Variants in AXIN1 observed in about 807,000 individuals in gnomAD.
AXIN1 encodes axin 1, also known as axin-1.
A neutral mutation model predicts 76.4 loss-of-function variants in AXIN1; 30 were observed. The ratio of observed to expected loss-of-function variants is 0.39; its 90% CI spans 0.29 to 0.53. AXIN1 has a LOEUF of 0.53. Among genes scored for constraint, AXIN1 ranks in the 20% least tolerant of loss-of-function variants. The pLI, the probability that AXIN1 is intolerant of heterozygous loss-of-function variation, is 0.66. For synonymous variants in AXIN1, 545 were observed against 501.4 expected, an observed-to-expected ratio of 1.09 and a Z score of -1.16; for missense variants, 1,140 against 1,198.8, an observed-to-expected ratio of 0.95 and a Z score of 0.72.
intron 2 of AXIN1, among the ~76,000 whole-genome samples, chr16:331,882 G>A (rs117966223): frequency 6.5e-4 from 99 of 152,308 alleles, no homozygotes; most frequent in Non-Finnish European, 1.2e-3. Context: ...TCGGCCACTA[G>A]TCTGACCCCC....
At position 293,766 on chromosome 16, in the gene AXIN1, A is replaced by AGGTGGCCT; in HGVS notation, c.1956-56_1956-49dup. On this transcript the variant is annotated intron_variant, in intron 7 of 10. Transcript: ENST00000262320. The surrounding 1 kb of genome is among the most constrained non-coding windows in gnomAD (Gnocchi z 4.6). ...TGTGACTGTGGCCGACACCCTGGCC[A>AGGTGGCCT]GGTGGCCTGGTGGGGCTACACTCAT... 6.3e-7 allele frequency: 1 copy of AGGTGGCCT among 1,587,090 alleles called. No homozygotes were observed. The highest frequency in any genetic ancestry group is 8.6e-7 in the Non-Finnish European group (1 of 1,160,080).
At chr16:321,856 G>A (rs767637948) in intron 2 of AXIN1, among the ~76,000 whole-genome samples, 1 of 152,246 alleles carries the variant, frequency 6.6e-6, no homozygotes, top group Non-Finnish European at 1.5e-5. Context: ...ACACAGCCTT[G>A]CCCTTCGTTG....
At chr16:314,725 A>G in intron 2 of AXIN1, 42 bp from the exon 3 acceptor site, 2 of 1,610,336 alleles carry the variant, frequency 1.2e-6, no homozygotes, top group Non-Finnish European at 1.7e-6. Flanking sequence ...CAGCCTGCCA[A>G]CAGCCTCTCA....
At chr16:350,836 AAAACTG>A (rs1235115525) in intron 1 of AXIN1, among the ~76,000 whole-genome samples, 2 of 152,230 alleles carry the variant, frequency 1.3e-5, no homozygotes, top group Non-Finnish European at 2.9e-5. Flanking sequence ...TGGAGATCTT[AAAACTG>A]AAACCAAAGC....
In AXIN1 at chr16:287,770, C is replaced by A. The variant is rs575975905; in HGVS notation, c.*352G>T. 2 of 438,302 alleles carry A rather than the reference C, an allele frequency of 4.6e-6. No homozygotes were observed. The highest frequency in any genetic ancestry group is 8.1e-5 in the East Asian group (2 of 24,756). The allele number at this position is 438,302 out of a possible 1,614,324, so 27.2% of individuals were successfully genotyped here. The stretch of plus-strand genomic sequence containing the variant: ...CCCCACCCAGACCTGGGTACGTGGG[C>A]AAATCCCAGAGGGAAAGTAGATCCC... On this transcript the variant is annotated 3_prime_UTR_variant, in exon 11 of 11. Transcript: ENST00000262320.
intron 2 of AXIN1, among the ~76,000 whole-genome samples, chr16:318,927 C>A (rs539134499): frequency 4.6e-4 from 70 of 151,960 alleles, no homozygotes; most frequent in African/African-American, 1.5e-3. Flanking sequence ...TGGCTCTGAC[C>A]CCTGGCTGTG....
Position 301,028 on chromosome 16 carries a change from T to G in AXIN1, c.1255-2777A>C, listed in dbSNP as rs570051197. On this transcript the variant is annotated intron_variant, in intron 5 of 10. Transcript: ENST00000262320. The stretch of plus-strand genomic sequence containing the variant: ...GTTCACGCCTGTAATCCCAGCACTT[T>G]GGGAGGCCGAGGCGGGTGGATCACA... Among the ~76,000 whole-genome samples the G allele has an allele frequency of 1.2e-3, 176 of 152,178 alleles. 1 individual carries two copies. The highest frequency in any genetic ancestry group is 1.6e-3 in the Non-Finnish European group (110 of 67,988).
At chr16:298,955 G>C in intron 5 of AXIN1, 2 of 450,804 alleles carry the variant, frequency 4.4e-6, no homozygotes, top group Non-Finnish European at 5.8e-6. Flanking sequence ...TTTTAGTAGA[G>C]ACAGGATTTC....
intron 6 of AXIN1, among the ~76,000 whole-genome samples, 179 bp from the exon 7 acceptor site, chr16:297,405 G>T (rs1036671589): frequency 1.1e-4 from 17 of 151,712 alleles, no homozygotes; most frequent in African/African-American, 3.4e-4. Context: ...CCCACCCGCT[G>T]TCCCCTGCCC....
chr16:318,676 C>A (rs577490657), intron 2 of AXIN1, among the ~76,000 whole-genome samples: 1 of 152,184 alleles, frequency 6.6e-6, no homozygotes, highest in Admixed American at 6.5e-5. Flanking sequence ...CCTGTGCGTG[C>A]GCCTATGGAT....
chr16:321,453 G>A (rs1166064321), intron 2 of AXIN1, among the ~76,000 whole-genome samples: 1 of 152,240 alleles, frequency 6.6e-6, no homozygotes, highest in Non-Finnish European at 1.5e-5. Context: ...AAGCAGCACA[G>A]GTCAGTACAC....
chr16:322,434 G>T (rs983515033), intron 2 of AXIN1, among the ~76,000 whole-genome samples: 1 of 152,172 alleles, frequency 6.6e-6, no homozygotes, highest in Non-Finnish European at 1.5e-5. Flanking sequence ...GTGCTCCTAC[G>T]GCTGTGTTTC....
In AXIN1 at chr16:303,941, T is replaced by C. The variant is rs556693075; in HGVS notation, c.1254+363A>G. On this transcript the variant is annotated intron_variant, in intron 5 of 10. Coordinates refer to ENST00000262320, the MANE Select transcript of AXIN1 (RefSeq NM_003502.4). Reference sequence around the variant, plus strand: ...CCTTCCTGCTCTGCACATGCTCATCTCACTTGCCAGCCACACGGGGTGAAG... The same window carrying C: ...CCTTCCTGCTCTGCACATGCTCATCCCACTTGCCAGCCACACGGGGTGAAG... Among the ~76,000 whole-genome samples the C allele has an allele frequency of 2.0e-5, 3 of 152,300 alleles. No homozygotes were observed. The East Asian group carries it at 5.8e-4, about 29-fold the overall frequency.
intron 3 of AXIN1, among the ~76,000 whole-genome samples, chr16:312,952 T>C (rs1373323155): frequency 6.6e-6 from 1 of 152,166 alleles, no homozygotes; most frequent in Non-Finnish European, 1.5e-5. Context: ...CTCGTGAGGC[T>C]GAAGTGGGTG....
rs753998549 is a variant in AXIN1 at position 288,151 on chromosome 16, T to C, written c.2560A>G (p.Ile854Val). Residue 854 changes from isoleucine (I) to valine (V), a missense_variant, in exon 11 of 11, where the codon ATC (isoleucine) becomes GTC (valine). Transcript: ENST00000262320. ...TCCACCTTCTCCACTTTGCCGATGA[T>C]CTTCTCCTCAAAGACGGGCAGGACG... ...EAVLPVFEEK[I>V]IGKVEKVD The C allele has an allele frequency of 1.8e-5, 29 of 1,613,422 alleles. No homozygotes were observed. Among genetic ancestry groups the C allele is most frequent in the Non-Finnish European group, 1.5e-5 (18 of 1,179,992 alleles).
At chr16:332,075 C>CGCCT (rs1287480152) in intron 2 of AXIN1, among the ~76,000 whole-genome samples, 1 of 152,108 alleles carries the variant, frequency 6.6e-6, no homozygotes, top group African/African-American at 2.4e-5. Context: ...GATGGCCTGA[C>CGCCT]GCCTGACACA....
chr16:346,529 C>T lies in AXIN1; in HGVS notation c.497G>A (p.Ser166Asn), dbSNP rs754419770. 12 of 1,614,178 alleles carry T rather than the reference C, an allele frequency of 7.4e-6. No individual in the cohort carries two copies. The highest frequency in any genetic ancestry group is 1.7e-5 in the Admixed American group (1 of 60,028). Residue 166 changes from serine to asparagine, a missense_variant, in exon 2 of 11, where the codon AGC (serine) becomes AAC (asparagine). By Grantham distance (46) the Ser-to-Asn change is conservative. This residue lies in a region of AXIN1 where 708 missense variants were observed against 776.9 expected (regional missense o/e 0.91). Coordinates refer to ENST00000262320, the MANE Select transcript of AXIN1 (RefSeq NM_003502.4). ...CTTCATGATGCAGCCCTTTATGAAGCTCTTGGTGGCTGGCTTGGTCTGCCG... is the reference window on the plus strand; with the variant it reads ...CTTCATGATGCAGCCCTTTATGAAGTTCTTGGTGGCTGGCTTGGTCTGCCG... ...VSRQTKPATK[S>N]FIKGCIMKQL...
chr16:320,743 A>ATTTTTTTTTTTTTTTTTTTTTTTT (rs71299927), intron 2 of AXIN1, among the ~76,000 whole-genome samples: 1 of 107,664 alleles, frequency 9.3e-6, no homozygotes, highest in Non-Finnish European at 1.7e-5. Flanking sequence ...ATATATATAT[A>ATTTTTTTTTTTTTTTTTTTTTTTT]TTTTTTTTTT....
chr16:288,161 A>G lies in AXIN1; in HGVS notation c.2550T>C (p.Phe850=), dbSNP rs139203463. 6.1e-5 allele frequency: 99 copies of G among 1,613,588 alleles called. No individual in the cohort carries two copies. The African/African-American group carries it at 1.1e-3, about 19-fold the overall frequency. The change falls in exon 11 of 11, where the codon TTT becomes TTC. Residue 850 remains phenylalanine (F), a synonymous_variant. Transcript: ENST00000262320. ...CCACTTTGCCGATGATCTTCTCCTC[A>G]AAGACGGGCAGGACGGCCTCGTCCT... The part of the protein sequence containing the change: ...VREDEAVLPV[F]EEKIIGKVEK...
Sources: allele counts gnomAD v4.1 joint callset (sites outside exome capture counted in the v4.1 genomes callset), GRCh38; gene constraint gnomAD v4.1.1; regional missense constraint gnomAD v4.1.1; non-coding constraint Gnocchi (gnomAD v3.1); transcripts MANE v1.5; gene names NCBI Gene and HGNC (gene_info 2026-07-23, HGNC 2026-07-21).